The following UMAD1 variants were observed in gnomAD, a reference collection of about 807,000 sequenced individuals.
The protein encoded by UMAD1 is UBAP1-MVB12-associated (UMA) domain containing 1, also known as UBAP1-MVB12-associated (UMA)-domain containing protein 1.
A neutral mutation model predicts 6.1 loss-of-function variants in UMAD1; 8 were observed. That is an observed-to-expected ratio of 1.30 (90% confidence interval 0.76 to 2.35). The LOEUF (loss-of-function observed/expected upper bound fraction) is 2.35. Ranked by LOEUF, UMAD1 falls within the 30% of genes most tolerant of loss-of-function variation. The pLI, the probability that UMAD1 is intolerant of heterozygous loss-of-function variation, is 0.00. For missense variants in UMAD1, 130 were observed against 78.4 expected (o/e 1.66, Z -2.49); for synonymous variants, 56 against 31.4 (o/e 1.78, Z -2.61).
chr7:7,767,951 A>T, intron 2 of UMAD1, among the ~76,000 whole-genome samples: 1 of 152,146 alleles, frequency 6.6e-6, no homozygotes, highest in East Asian at 1.9e-4. Context: ...GTAAATATTA[A>T]TTTGTGTAGC....
intron 2 of UMAD1, among the ~76,000 whole-genome samples, chr7:7,777,048 A>G (rs1388585036): frequency 1.3e-5 from 2 of 152,172 alleles, no homozygotes; most frequent in African/African-American, 2.4e-5. Context: ...GTTTTGCGCC[A>G]TACTTTTTTC....
intron 2 of UMAD1, among the ~76,000 whole-genome samples, chr7:7,741,627 AAAAC>A (rs1474094798): frequency 6.7e-6 from 1 of 149,588 alleles, no homozygotes; most frequent in African/African-American, 2.4e-5. Context: ...AAATAATAAA[AAAAC>A]ACTGTAATGT....
chr7:7,798,792 G>A (rs2115271831), intron 2 of UMAD1, among the ~76,000 whole-genome samples: 1 of 152,330 alleles, frequency 6.6e-6, no homozygotes, highest in Non-Finnish European at 1.5e-5. Flanking sequence ...TTCTATGTGG[G>A]AGACCTTGGG....
intron 3 of UMAD1, among the ~76,000 whole-genome samples, chr7:7,873,562 T>C (rs1784365773): frequency 1.3e-5 from 2 of 152,240 alleles, no homozygotes; most frequent in Admixed American, 1.3e-4. Flanking sequence ...ATTTGTTAGT[T>C]GCAGTCCTAA....
At chr7:7,777,751 A>T (rs1175640045) in intron 2 of UMAD1, among the ~76,000 whole-genome samples, 6 of 151,886 alleles carry the variant, frequency 4.0e-5, no homozygotes, top group Non-Finnish European at 8.8e-5. Flanking sequence ...GATACTCGTG[A>T]TAGTCTGGAT....
intron 2 of UMAD1, among the ~76,000 whole-genome samples, chr7:7,794,736 T>A (rs944516970): frequency 6.6e-6 from 1 of 152,174 alleles, no homozygotes; most frequent in Non-Finnish European, 1.5e-5. Context: ...TTCCTTGACA[T>A]ACGTTGAAAT....
chr7:7,852,755 G>T (rs529519063), intron 3 of UMAD1, among the ~76,000 whole-genome samples: 1 of 152,108 alleles, frequency 6.6e-6, no homozygotes, highest in Non-Finnish European at 1.5e-5. Flanking sequence ...CTCTGTAGAA[G>T]CCCCCCGAAC....
chr7:7,774,961 T>C (rs1410029190), intron 2 of UMAD1, among the ~76,000 whole-genome samples: 2 of 152,236 alleles, frequency 1.3e-5, no homozygotes, highest in Admixed American at 1.3e-4. Flanking sequence ...ATTTCTTCTC[T>C]AACCTTTCTT....
chr7:7,798,856 T>C (rs1782740746), intron 2 of UMAD1, among the ~76,000 whole-genome samples: 1 of 152,076 alleles, frequency 6.6e-6, no homozygotes, highest in East Asian at 1.9e-4. Flanking sequence ...AAATTGGGGG[T>C]GGGCAGAGTT....
chr7:7,704,988 A>G (rs1780562895), intron 2 of UMAD1, among the ~76,000 whole-genome samples: 1 of 152,168 alleles, frequency 6.6e-6, no homozygotes, highest in African/African-American at 2.4e-5. Context: ...CTTTACAGAT[A>G]CAGAAGAGGA....
At chr7:7,733,247 A>G (rs895939866) in intron 2 of UMAD1, among the ~76,000 whole-genome samples, 2 of 152,190 alleles carry the variant, frequency 1.3e-5, no homozygotes, top group Non-Finnish European at 2.9e-5. Context: ...TCAGAAAGAC[A>G]TCAGTGGTCT....
chr7:7,653,830 A>G (rs1785281556), intron 1 of UMAD1, among the ~76,000 whole-genome samples: 1 of 152,228 alleles, frequency 6.6e-6, no homozygotes, highest in Non-Finnish European at 1.5e-5. Context: ...TGGTTGTCAC[A>G]GCTGGGGGAT....
chr7:7,774,201 T>C (rs1782156408), intron 2 of UMAD1, among the ~76,000 whole-genome samples: 1 of 152,150 alleles, frequency 6.6e-6, no homozygotes, highest in Non-Finnish European at 1.5e-5. Context: ...CTGTAGAACA[T>C]GAGCAATGTT....
intron 3 of UMAD1, among the ~76,000 whole-genome samples, chr7:7,804,914 G>A (rs1033240954): frequency 9.2e-5 from 14 of 152,070 alleles, no homozygotes; most frequent in Admixed American, 5.9e-4. Context: ...CTGGGAGGCG[G>A]GGGTTGCAGT....
intron 2 of UMAD1, among the ~76,000 whole-genome samples, chr7:7,743,328 C>T (rs942533575): frequency 6.6e-6 from 1 of 152,080 alleles, no homozygotes; most frequent in Admixed American, 6.5e-5. Context: ...TGAATTGTAA[C>T]AGTCAATTAA....
chr7:7,827,985 A>G (rs1400202199), intron 3 of UMAD1, among the ~76,000 whole-genome samples: 1 of 152,212 alleles, frequency 6.6e-6, no homozygotes, highest in African/African-American at 2.4e-5. Flanking sequence ...TCAAGAAGCC[A>G]CTATAAGACC....
At chr7:7,798,931 A>G (rs963093319) in intron 2 of UMAD1, among the ~76,000 whole-genome samples, 4 of 152,210 alleles carry the variant, frequency 2.6e-5, no homozygotes, top group Non-Finnish European at 4.4e-5. Context: ...ATGAAAGGTA[A>G]GGTATTATGA....
At chr7:7,676,181 T>C in intron 2 of UMAD1, 1 of 398,660 alleles carries the variant, frequency 2.5e-6, no homozygotes, top group Non-Finnish European at 4.4e-6. Flanking sequence ...GCTTCGTGGC[T>C]CCACGACTTA....
chr7:7,858,494 G>A (rs1260622755), intron 3 of UMAD1, among the ~76,000 whole-genome samples: 6 of 152,154 alleles, frequency 3.9e-5, no homozygotes, highest in Non-Finnish European at 8.8e-5. Flanking sequence ...AGGTCACTTT[G>A]GCAGTTGAAA....
Sources: gnomAD v4.1 joint callset for allele counts (sites outside exome capture counted in the v4.1 genomes callset) on GRCh38, gnomAD v4.1.1 for gene constraint, MANE v1.5 for transcripts, NCBI Gene and HGNC (gene_info 2026-07-23, HGNC 2026-07-21) for gene names.